Variants in SLC26A7 observed in about 807,000 individuals in gnomAD.
SLC26A7 encodes solute carrier family 26 member 7.
Under a neutral mutation model 82.5 loss-of-function variants are expected in SLC26A7, and 59 were observed. The observed-to-expected ratio is 0.72, with a 90% CI of 0.58 to 0.89. The LOEUF is 0.89. Among genes scored for constraint, SLC26A7 ranks in the 40% least tolerant of loss-of-function variants. The pLI is 0.00. For missense variants in SLC26A7, 820 were observed against 793.0 expected (o/e 1.03, Z -0.41); for synonymous variants, 271 against 274.3 (o/e 0.99, Z 0.12).
At chr8:91,343,908 C>T (rs927345627) in intron 9 of SLC26A7, 4 of 460,186 alleles carry the variant, frequency 8.7e-6, no homozygotes, top group Non-Finnish European at 1.1e-5. Flanking sequence ...AAGATATCTG[C>T]ACATATTTTA....
At chr8:91,259,319 G>A (rs1353292555) in intron 2 of SLC26A7, among the ~76,000 whole-genome samples, 1 of 151,940 alleles carries the variant, frequency 6.6e-6, no homozygotes, top group East Asian at 1.9e-4. Flanking sequence ...CCACACTCCT[G>A]TTCTTTTGTA....
At chr8:91,315,882 A>G (rs1812616429) in intron 4 of SLC26A7, among the ~76,000 whole-genome samples, 1 of 152,164 alleles carries the variant, frequency 6.6e-6, no homozygotes, top group East Asian at 1.9e-4. Flanking sequence ...TGCATGTATT[A>G]TTTCACACTC....
chr8:91,362,257 A>G (rs1044693156), intron 11 of SLC26A7, 96 bp from the exon 12 acceptor site: 7 of 777,402 alleles, frequency 9.0e-6, no homozygotes, highest in Middle Eastern at 2.6e-4. Context: ...ATTTGGTCAC[A>G]AGAGTGTTAA....
rs1182719199 is a variant in SLC26A7, at chr8:91,249,707, C to A, written c.56C>A (p.Pro19His). 1 of 1,596,260 alleles carries A rather than the reference C, an allele frequency of 6.3e-7. No homozygotes were observed. Among genetic ancestry groups the A allele is most frequent in the Admixed American group, 1.7e-5 (1 of 57,282 alleles). Residue 19 changes from proline (P) to histidine (H), a missense_variant, in exon 2 of 19, where the codon CCC (proline) becomes CAC (histidine). Transcript: ENST00000276609. The stretch of plus-strand genomic sequence containing the variant: ...ATGCTTTGGAGCAAGATGCATACCC[C>A]CCAGTGTGAAGACATTATACAGTGG... ...KSMLWSKMHT[P>H]QCEDIIQWCR...
Position 91,397,906 on chromosome 8 carries a change from TAATCTAATTCAGTA to T in SLC26A7, c.*2810_*2823del, listed in dbSNP as rs1461810740. Reference sequence around the variant, plus strand: ...GCACATTCTGTATTTTGTGGGATGATAATCTAATTCAGTATAGAATATGCTGTTTGGCAATGAGT... The same window carrying T: ...GCACATTCTGTATTTTGTGGGATGATTAGAATATGCTGTTTGGCAATGAGT... On this transcript the variant is annotated 3_prime_UTR_variant, in exon 19 of 19. Coordinates refer to ENST00000276609, the MANE Select transcript of SLC26A7 (RefSeq NM_052832.4). 6.6e-6 allele frequency: 1 copy of T among 152,564 alleles called. No individual in the cohort carries two copies. The highest frequency in any genetic ancestry group is 1.5e-5 in the Non-Finnish European group (1 of 67,968). 9.5% of individuals were successfully genotyped at this position (152,564 alleles called of 1,614,324 possible). A position where few individuals can be genotyped will look rare whatever the true frequency, so the allele number is the denominator to read the frequency against.
intron 5 of SLC26A7, among the ~76,000 whole-genome samples, chr8:91,324,813 G>T (rs1415645744): frequency 1.3e-5 from 2 of 152,116 alleles, no homozygotes; most frequent in African/African-American, 4.8e-5. Flanking sequence ...AGATGGCCTG[G>T]GAAACCTTTT....
At chr8:91,304,158 A>C (rs1812239954) in intron 4 of SLC26A7, among the ~76,000 whole-genome samples, 1 of 152,320 alleles carries the variant, frequency 6.6e-6, no homozygotes, top group Non-Finnish European at 1.5e-5. Context: ...TTTTAGGAAA[A>C]ATTATTTAGG....
intron 9 of SLC26A7, among the ~76,000 whole-genome samples, chr8:91,347,565 C>T (rs1029075256): frequency 6.6e-6 from 1 of 152,140 alleles, no homozygotes; most frequent in Non-Finnish European, 1.5e-5. Context: ...TTAATATGAA[C>T]TAGCCAAATT....
intron 4 of SLC26A7, among the ~76,000 whole-genome samples, chr8:91,303,522 A>G (rs567295521): frequency 6.6e-6 from 1 of 152,270 alleles, no homozygotes; most frequent in Admixed American, 6.5e-5. Context: ...ATGCCATTGT[A>G]GTGGTTTGAG....
intron 2 of SLC26A7, among the ~76,000 whole-genome samples, chr8:91,256,464 T>C (rs1408509648): frequency 6.6e-6 from 1 of 152,164 alleles, no homozygotes; most frequent in East Asian, 1.9e-4. Context: ...GCAATCTAAA[T>C]GACCTGAGTG....
At chr8:91,322,053 G>C (rs1410377293) in intron 5 of SLC26A7, among the ~76,000 whole-genome samples, 2 of 152,100 alleles carry the variant, frequency 1.3e-5, no homozygotes, top group African/African-American at 4.8e-5. Context: ...CATTTTTTAA[G>C]TGTCATTTAA....
chr8:91,392,624 C>G (rs73694629), intron 16 of SLC26A7, among the ~76,000 whole-genome samples: 12,808 of 152,232 alleles, frequency 0.084, 839 homozygotes, highest in African/African-American at 0.19. Flanking sequence ...GCCCTGCATG[C>G]CTTCATGCTT....
chr8:91,266,547 A>C (rs1811118610), intron 2 of SLC26A7, among the ~76,000 whole-genome samples: 1 of 151,888 alleles, frequency 6.6e-6, no homozygotes, highest in South Asian at 2.1e-4. Flanking sequence ...CATTTGTAGC[A>C]TATAAAATGC....
intron 4 of SLC26A7, among the ~76,000 whole-genome samples, chr8:91,310,710 T>C (rs1007258436): frequency 5.3e-5 from 8 of 152,098 alleles, no homozygotes; most frequent in African/African-American, 1.7e-4. Context: ...AGCATGCATA[T>C]GACTCCAGTA....
chr8:91,359,265 AG>A (rs1813978244), intron 11 of SLC26A7, among the ~76,000 whole-genome samples: 1 of 152,216 alleles, frequency 6.6e-6, no homozygotes, highest in African/African-American at 2.4e-5. Context: ...AACAATTTAT[AG>A]AACTTGTGAA....
At chr8:91,353,965 T>C (rs9297893) in intron 11 of SLC26A7, among the ~76,000 whole-genome samples, 59,651 of 151,804 alleles carry the variant, frequency 0.39, 12,560 homozygotes, top group African/African-American at 0.51. Flanking sequence ...AAGAGCTTAG[T>C]TTTGGGGAAA....
intron 9 of SLC26A7, among the ~76,000 whole-genome samples, chr8:91,351,059 C>T (rs996033409): frequency 6.6e-5 from 10 of 152,244 alleles, no homozygotes; most frequent in African/African-American, 1.9e-4. Context: ...CTAGGCATCT[C>T]CATGGCCTGT....
intron 2 of SLC26A7, among the ~76,000 whole-genome samples, chr8:91,281,056 GA>G (rs1308578363): frequency 6.6e-6 from 1 of 151,992 alleles, no homozygotes; most frequent in African/African-American, 2.4e-5. Flanking sequence ...TCTCCCATTA[GA>G]AAAAAATTTC....
At chr8:91,310,470 T>A (rs1812450397) in intron 4 of SLC26A7, among the ~76,000 whole-genome samples, 1 of 152,072 alleles carries the variant, frequency 6.6e-6, no homozygotes, top group African/African-American at 2.4e-5. Flanking sequence ...ATGGTATCCC[T>A]CACTGAGGAT....
Sources: gnomAD v4.1 joint callset for allele counts (sites outside exome capture counted in the v4.1 genomes callset) on GRCh38, gnomAD v4.1.1 for gene constraint, MANE v1.5 for transcripts, NCBI Gene and HGNC (gene_info 2026-07-23, HGNC 2026-07-21) for gene names.